The following PTPN1 variants were observed in gnomAD, a reference collection of about 807,000 sequenced individuals.
The protein encoded by PTPN1 is tyrosine-protein phosphatase non-receptor type 1.
Under a neutral mutation model 59.9 loss-of-function variants are expected in PTPN1, and 12 were observed. The observed-to-expected ratio is 0.20, with a 90% CI of 0.13 to 0.32. The LOEUF is 0.32. Among genes scored for constraint, PTPN1 ranks in the 10% least tolerant of loss-of-function variants. PTPN1 has a pLI of 1.00. For missense variants in PTPN1, 356 were observed against 549.2 expected (o/e 0.65, Z 3.52); for synonymous variants, 178 against 203.6 (o/e 0.87, Z 1.07).
chr20:50,583,073 C>T lies in PTPN1; in HGVS notation c.*358C>T. 1 of 305,866 alleles carries T rather than the reference C, an allele frequency of 3.3e-6. No homozygotes were observed. Among genetic ancestry groups the T allele is most frequent in the Non-Finnish European group, 6.1e-6 (1 of 164,288 alleles). 18.9% of individuals were successfully genotyped at this position (305,866 alleles called of 1,614,324 possible). A position where few individuals can be genotyped will look rare whatever the true frequency, so the allele number is the denominator to read the frequency against. ...CCAGGCGGGCGGCACGCCAACAGCC[C>T]CCCCCTTGAATCTGCAGGGAGCAAC... On this transcript the variant is annotated 3_prime_UTR_variant, in exon 10 of 10. Coordinates refer to ENST00000371621, the MANE Select transcript of PTPN1 (RefSeq NM_002827.4).
intron 1 of PTPN1, among the ~76,000 whole-genome samples, chr20:50,556,276 T>C: frequency 6.6e-6 from 1 of 152,020 alleles, no homozygotes; most frequent in East Asian, 1.9e-4. Flanking sequence ...GCAGATTCAA[T>C]CTCCTGGGCT....
chr20:50,576,336 G>A (rs561047236), intron 5 of PTPN1, among the ~76,000 whole-genome samples: 1 of 152,314 alleles, frequency 6.6e-6, no homozygotes, highest in South Asian at 2.1e-4. Context: ...CTTTTTGCTT[G>A]GCAGAGTGAA....
intron 1 of PTPN1, among the ~76,000 whole-genome samples, chr20:50,552,338 G>A (rs558887222): frequency 1.1e-4 from 16 of 152,232 alleles, no homozygotes; most frequent in African/African-American, 3.4e-4. Context: ...TGAGGGATTC[G>A]CCAGAAACTG....
intron 1 of PTPN1, among the ~76,000 whole-genome samples, chr20:50,524,645 C>G (rs1046510785): frequency 4.5e-5 from 6 of 134,266 alleles, no homozygotes; most frequent in Non-Finnish European, 7.6e-5. Context: ...GGCGCAATCT[C>G]GACTCACTGC....
At chr20:50,522,839 C>G (rs1438528090) in intron 1 of PTPN1, among the ~76,000 whole-genome samples, 1 of 152,082 alleles carries the variant, frequency 6.6e-6, no homozygotes, top group East Asian at 1.9e-4. Flanking sequence ...CTGTAACATC[C>G]GCCTCCCGAG....
chr20:50,556,379 G>T (rs544300305), intron 1 of PTPN1, among the ~76,000 whole-genome samples: 22 of 151,924 alleles, frequency 1.4e-4, no homozygotes, highest in African/African-American at 5.1e-4. Flanking sequence ...TTGTAGAGAC[G>T]AGGCATCATT....
chr20:50,542,539 G>T (rs894229827), intron 1 of PTPN1, among the ~76,000 whole-genome samples: 5 of 152,236 alleles, frequency 3.3e-5, no homozygotes, highest in Non-Finnish European at 7.3e-5. Context: ...TTTGGAGGAA[G>T]AGTGTATAGC....
At chr20:50,548,434 T>C (rs2082685810) in intron 1 of PTPN1, among the ~76,000 whole-genome samples, 1 of 152,150 alleles carries the variant, frequency 6.6e-6, no homozygotes, top group Non-Finnish European at 1.5e-5. Flanking sequence ...TGATTCTTTT[T>C]TTTTTTTATT....
rs1266858431 is a variant in PTPN1, at chr20:50,583,951, A to C, written c.*1236A>C. ...GGAAGAGAGGCACCTGCTGGAAACC[A>C]CACTTCTTGAAACAGCCTGGGTGAC... On this transcript the variant is annotated 3_prime_UTR_variant, in exon 10 of 10. Coordinates refer to ENST00000371621, the MANE Select transcript of PTPN1 (RefSeq NM_002827.4). 1 of 152,488 alleles carries C rather than the reference A, an allele frequency of 6.6e-6. No individual in the cohort carries two copies. Among genetic ancestry groups the C allele is most frequent in the Non-Finnish European group, 1.5e-5 (1 of 68,030 alleles). The allele number at this position is 152,488 out of a possible 1,614,324, so 9.4% of individuals were successfully genotyped here. A position where few individuals can be genotyped will look rare whatever the true frequency, so the allele number is the denominator to read the frequency against.
At chr20:50,551,377 A>G (rs2082701537) in intron 1 of PTPN1, among the ~76,000 whole-genome samples, 1 of 152,226 alleles carries the variant, frequency 6.6e-6, no homozygotes, top group South Asian at 2.1e-4. Context: ...TAGCTAAATC[A>G]TAACTTTGGA....
chr20:50,525,579 T>G (rs1351638122), intron 1 of PTPN1, among the ~76,000 whole-genome samples: 1 of 151,878 alleles, frequency 6.6e-6, no homozygotes, highest in Non-Finnish European at 1.5e-5. Flanking sequence ...ATTCTAGCTA[T>G]GAGGATTATA....
chr20:50,552,471 C>A (rs1237911193), intron 1 of PTPN1, among the ~76,000 whole-genome samples: 1 of 152,170 alleles, frequency 6.6e-6, no homozygotes, highest in Non-Finnish European at 1.5e-5. Flanking sequence ...TCCTTCCTTA[C>A]ACCATTGATC....
intron 8 of PTPN1, among the ~76,000 whole-genome samples, chr20:50,580,845 C>G (rs533105614): frequency 6.6e-6 from 1 of 152,108 alleles, no homozygotes; most frequent in African/African-American, 2.4e-5. Flanking sequence ...ATGTTCTCTC[C>G]CGGTGTTGGG....
chr20:50,511,638 C>G (rs1465091130), intron 1 of PTPN1, among the ~76,000 whole-genome samples: 1 of 152,150 alleles, frequency 6.6e-6, no homozygotes, highest in Non-Finnish European at 1.5e-5. Context: ...GAGGGTTTCT[C>G]ATATATCTAT....
At position 50,578,472 on chromosome 20, in the gene PTPN1, T is replaced by A; in HGVS notation, c.545T>A (p.Phe182Tyr). Residue 182 changes from phenylalanine to tyrosine, a missense_variant, in exon 6 of 10, where the codon TTT becomes TAT. Around this residue, in one of 3 missense-constraint regions of PTPN1, gnomAD observed 194 missense variants for 344.2 expected, o/e 0.56. Coordinates refer to ENST00000371621, the MANE Select transcript of PTPN1 (RefSeq NM_002827.4). Reference sequence around the variant, plus strand: ...TTCCACTATACCACATGGCCTGACTTTGGAGTCCCTGAATCACCAGCCTCA... The same window carrying A: ...TTCCACTATACCACATGGCCTGACTATGGAGTCCCTGAATCACCAGCCTCA... ...LHFHYTTWPD[F>Y]GVPESPASFL... 6.2e-7 allele frequency: 1 copy of A among 1,614,226 alleles called. No homozygotes were observed. Among genetic ancestry groups the A allele is most frequent in the Non-Finnish European group, 8.5e-7 (1 of 1,180,028 alleles).
intron 1 of PTPN1, among the ~76,000 whole-genome samples, chr20:50,558,520 A>G (rs1021413747): frequency 6.6e-6 from 1 of 152,194 alleles, no homozygotes; most frequent in Non-Finnish European, 1.5e-5. Context: ...GGGTTACTGT[A>G]TTGGACAGAG....
At chr20:50,578,108 G>A (rs1026844689) in intron 5 of PTPN1, 13 of 232,202 alleles carry the variant, frequency 5.6e-5, no homozygotes, top group African/African-American at 2.5e-4. Context: ...ATTGTGACTC[G>A]TGAGACAGAG....
intron 1 of PTPN1, among the ~76,000 whole-genome samples, chr20:50,557,276 G>C (rs1474305616): frequency 6.6e-6 from 1 of 151,968 alleles, no homozygotes; most frequent in Non-Finnish European, 1.5e-5. Context: ...TGTCGCCCAG[G>C]CTGGAGTACA....
At chr20:50,525,087 T>C (rs938653792) in intron 1 of PTPN1, among the ~76,000 whole-genome samples, 4 of 152,088 alleles carry the variant, frequency 2.6e-5, no homozygotes, top group African/African-American at 9.7e-5. Context: ...GAGATGGAGT[T>C]TTGCTCTTGC....
Sources: allele counts gnomAD v4.1 joint callset (sites outside exome capture counted in the v4.1 genomes callset), GRCh38; gene constraint gnomAD v4.1.1; regional missense constraint gnomAD v4.1.1; transcripts MANE v1.5; gene names NCBI Gene and HGNC (gene_info 2026-07-23, HGNC 2026-07-21).